The following COLEC10 variants were observed in gnomAD, a reference collection of about 807,000 sequenced individuals.
COLEC10 encodes the protein collectin subfamily member 10, also known as collectin-10.
A neutral mutation model predicts 28.4 loss-of-function variants in COLEC10; 22 were observed. That is an observed-to-expected ratio of 0.78 (90% CI 0.55 to 1.11). The LOEUF is 1.11. Among genes scored for constraint, COLEC10 ranks in the 50% least tolerant of loss-of-function variants. The probability of loss-of-function intolerance (pLI) is 0.00; values close to 1 mark genes in which losing one functional copy is unlikely to be tolerated. For missense variants in COLEC10, 361 were observed against 344.1 expected, an observed-to-expected ratio of 1.05 and a Z score of -0.39; for synonymous variants, 125 against 116.1, an observed-to-expected ratio of 1.08 and a Z score of -0.49.
chr8:118,976,263 T>C, the COLEC10 span, among the ~76,000 whole-genome samples: 9 of 152,098 alleles, frequency 5.9e-5, no homozygotes, highest in Non-Finnish European at 1.0e-4. Context: ...GTTGCAATCA[T>C]GTACTTTGTA....
upstream of COLEC10, among the ~76,000 whole-genome samples, chr8:119,065,254 A>AG (rs1814931610): frequency 6.6e-6 from 1 of 152,060 alleles, no homozygotes; most frequent in African/African-American, 2.4e-5. Context: ...ATCTCTATTT[A>AG]CAGCTGCCCC....
At chr8:119,092,941 T>G in intron 3 of COLEC10, among the ~76,000 whole-genome samples, 1 of 152,004 alleles carries the variant, frequency 6.6e-6, no homozygotes, top group East Asian at 1.9e-4. Flanking sequence ...CTGAATAACA[T>G]GACTACTCCA....
upstream of COLEC10, among the ~76,000 whole-genome samples, chr8:118,991,140 T>A (rs1813500188): frequency 6.6e-6 from 1 of 152,176 alleles, no homozygotes; most frequent in Non-Finnish European, 1.5e-5. Context: ...GGGGCATTTT[T>A]AATATTTCTG....
intron 2 of COLEC10, among the ~76,000 whole-genome samples, chr8:119,041,282 A>G (rs1814489628): frequency 6.6e-6 from 1 of 151,542 alleles, no homozygotes; most frequent in African/African-American, 2.4e-5. Context: ...TTTTTCTGGC[A>G]TGATCCCTAA....
chr8:119,051,677 A>C (rs1041779827), intron 2 of COLEC10, among the ~76,000 whole-genome samples: 1 of 152,196 alleles, frequency 6.6e-6, no homozygotes, highest in African/African-American at 2.4e-5. Flanking sequence ...AAACAATGAA[A>C]AGCTCATACC....
the COLEC10 span, among the ~76,000 whole-genome samples, chr8:118,976,794 C>T: frequency 1.3e-5 from 2 of 151,978 alleles, no homozygotes. Context: ...AAAGAAACTA[C>T]CATCAGAGTG....
At chr8:119,089,835 C>A in intron 2 of COLEC10, 84 bp downstream of exon 2, 3 of 1,082,008 alleles carry the variant, frequency 2.8e-6, no homozygotes, top group Non-Finnish European at 4.2e-6. Flanking sequence ...AAATTAGCAG[C>A]TTTCATAATG....
intron 1 of COLEC10, among the ~76,000 whole-genome samples, chr8:119,072,699 AG>A (rs1044883821): frequency 1.3e-5 from 2 of 151,634 alleles, no homozygotes; most frequent in African/African-American, 4.9e-5. Context: ...CTTTACTTAA[AG>A]CCCCCTTGGT....
At chr8:119,070,069 C>T (rs1815072607) in intron 1 of COLEC10, among the ~76,000 whole-genome samples, 1 of 152,030 alleles carries the variant, frequency 6.6e-6, no homozygotes, top group South Asian at 2.1e-4. Flanking sequence ...GACCAATATA[C>T]AGATATTATT....
At chr8:119,062,502 C>T (rs191791057), upstream of COLEC10, among the ~76,000 whole-genome samples, 171 of 150,366 alleles carry the variant, frequency 1.1e-3, no homozygotes, top group African/African-American at 3.9e-3. Context: ...TCTTTTTAGA[C>T]GGAGTCTCAC....
At chr8:118,977,785 A>ATAT in the COLEC10 span, among the ~76,000 whole-genome samples, 2 of 151,088 alleles carry the variant, frequency 1.3e-5, no homozygotes, top group African/African-American at 4.9e-5. Context: ...TCAACTAAAA[A>ATAT]AAATATATAT....
the COLEC10 span, among the ~76,000 whole-genome samples, chr8:118,952,446 C>T: frequency 1.3e-5 from 2 of 152,228 alleles, no homozygotes; most frequent in African/African-American, 2.4e-5. Flanking sequence ...AATTACAGGG[C>T]CCCTCTTTAT....
chr8:119,025,207 A>T (rs1225409468), intron 2 of COLEC10, among the ~76,000 whole-genome samples: 1 of 152,218 alleles, frequency 6.6e-6, no homozygotes, highest in Non-Finnish European at 1.5e-5. Flanking sequence ...AAAGAAAGGG[A>T]TACTGAAGAA....
intron 2 of COLEC10, among the ~76,000 whole-genome samples, chr8:119,018,452 T>C (rs776590329): frequency 2.8e-4 from 42 of 152,216 alleles, no homozygotes; most frequent in Non-Finnish European, 5.0e-4. Flanking sequence ...TTTGAGATGC[T>C]TGCTTATTGA....
At chr8:118,980,172 C>A in the COLEC10 span, among the ~76,000 whole-genome samples, 1 of 151,040 alleles carries the variant, frequency 6.6e-6, no homozygotes, top group African/African-American at 2.4e-5. Flanking sequence ...TAAAGATCAT[C>A]GGGAGATCTT....
the COLEC10 span, among the ~76,000 whole-genome samples, chr8:118,982,414 T>A: frequency 6.6e-6 from 1 of 152,128 alleles, no homozygotes; most frequent in Non-Finnish European, 1.5e-5. Flanking sequence ...CAGGTACAAA[T>A]GCACTTGTTC....
chr8:119,015,722 G>A (rs12678880), intron 2 of COLEC10, among the ~76,000 whole-genome samples: 5,291 of 152,210 alleles, frequency 0.035, 146 homozygotes, highest in East Asian at 0.16. Flanking sequence ...GTATTCCTAT[G>A]TCTGTCTCTC....
chr8:118,971,027 G>A, the COLEC10 span, among the ~76,000 whole-genome samples: 3 of 151,940 alleles, frequency 2.0e-5, no homozygotes, highest in Admixed American at 6.6e-5. Context: ...TTCACTGTCA[G>A]TAAAAACACG....
chr8:118,960,902 G>A, the COLEC10 span, among the ~76,000 whole-genome samples: 1 of 151,910 alleles, frequency 6.6e-6, no homozygotes, highest in East Asian at 1.9e-4. Context: ...ACCCTGCAGA[G>A]CTACTTGTTT....
Sources: allele counts gnomAD v4.1 joint callset (sites outside exome capture counted in the v4.1 genomes callset), GRCh38; gene constraint gnomAD v4.1.1; transcripts MANE v1.5; gene names NCBI Gene and HGNC (gene_info 2026-07-23, HGNC 2026-07-21).